CACNB2: variants seen among roughly 807,000 people sequenced by gnomAD.
CACNB2 encodes calcium voltage-gated channel auxiliary subunit beta 2.
In CACNB2, 42 loss-of-function variants were observed where a neutral mutation model predicts 73.3. The observed-to-expected ratio is 0.57, with a 90% CI of 0.45 to 0.74. The LOEUF is 0.74. Among genes scored for constraint, CACNB2 ranks in the 30% least tolerant of loss-of-function variants. CACNB2 has a pLI of 0.00. For synonymous variants in CACNB2, 348 were observed against 310.3 expected, an observed-to-expected ratio of 1.12 and a Z score of -1.28; for missense variants, 940 against 853.0, an observed-to-expected ratio of 1.10 and a Z score of -1.27.
intron 2 of CACNB2, among the ~76,000 whole-genome samples, chr10:18,242,845 A>G (rs1312220562): frequency 6.6e-6 from 1 of 151,154 alleles, no homozygotes; most frequent in African/African-American, 2.4e-5. Flanking sequence ...AAAAAAACCA[A>G]AAAAACAAAA....
intron 2 of CACNB2, among the ~76,000 whole-genome samples, chr10:18,338,603 G>C (rs940559698): frequency 6.6e-6 from 1 of 151,864 alleles, no homozygotes; most frequent in Non-Finnish European, 1.5e-5. Flanking sequence ...CTGTTGATAT[G>C]CATCTAGGTT....
At chr10:18,268,081 A>C (rs761959087) in intron 2 of CACNB2, among the ~76,000 whole-genome samples, 2 of 152,252 alleles carry the variant, frequency 1.3e-5, no homozygotes, top group Non-Finnish European at 2.9e-5. Flanking sequence ...CTCCCTCTGC[A>C]TCTGAGTACA....
At chr10:18,498,646 C>T in intron 4 of CACNB2, 169 bp downstream of exon 4, 1 of 692,448 alleles carries the variant, frequency 1.4e-6, no homozygotes, top group Non-Finnish European at 2.4e-6. Context: ...ATAAATATAC[C>T]TTTTAAAGTG....
At chr10:18,339,716 G>A (rs932870426) in intron 2 of CACNB2, among the ~76,000 whole-genome samples, 1 of 152,172 alleles carries the variant, frequency 6.6e-6, no homozygotes, top group Non-Finnish European at 1.5e-5. Context: ...AAATGAACAA[G>A]CCCGTATGTT....
chr10:18,247,921 TA>T (rs1403399829), intron 2 of CACNB2, among the ~76,000 whole-genome samples: 2 of 152,188 alleles, frequency 1.3e-5, no homozygotes, highest in African/African-American at 2.4e-5. Flanking sequence ...CCCTGTTTCA[TA>T]AATGGTACCT....
chr10:18,498,555 C>T (rs887821020), intron 4 of CACNB2, 78 bp downstream of exon 4: 78 of 1,464,212 alleles, frequency 5.3e-5, no homozygotes, highest in African/African-American at 4.9e-4. Flanking sequence ...ATTCATATGC[C>T]GTTTCTGTGA....
intron 1 of CACNB2, among the ~76,000 whole-genome samples, chr10:18,145,586 T>C (rs1394147792): frequency 6.6e-6 from 1 of 152,230 alleles, no homozygotes; most frequent in Non-Finnish European, 1.5e-5. Flanking sequence ...AATTTACCTG[T>C]TGCTGTATTT....
intron 2 of CACNB2, among the ~76,000 whole-genome samples, chr10:18,162,879 C>T (rs1255105428): frequency 1.3e-5 from 2 of 152,166 alleles, no homozygotes; most frequent in African/African-American, 4.8e-5. Context: ...CTGATCGCAA[C>T]ATTGATGTAA....
chr10:18,326,350 A>G (rs995502304), intron 2 of CACNB2, among the ~76,000 whole-genome samples: 2 of 152,244 alleles, frequency 1.3e-5, no homozygotes, highest in Non-Finnish European at 2.9e-5. Context: ...TTCCAAGGTA[A>G]ATAAATCTGC....
chr10:18,246,002 C>T (rs1182821937), intron 2 of CACNB2, among the ~76,000 whole-genome samples: 2 of 152,160 alleles, frequency 1.3e-5, no homozygotes, highest in Non-Finnish European at 2.9e-5. Flanking sequence ...AGAAAGGATT[C>T]TGTTGGCTCT....
intron 2 of CACNB2, among the ~76,000 whole-genome samples, chr10:18,152,824 A>G (rs2031717387): frequency 6.6e-6 from 1 of 152,088 alleles, no homozygotes; most frequent in Non-Finnish European, 1.5e-5. Context: ...GCACGGAAAG[A>G]AAAACTGATA....
At chr10:18,288,676 TACACAC>T (rs372916856) in intron 2 of CACNB2, among the ~76,000 whole-genome samples, 155 of 144,422 alleles carry the variant, frequency 1.1e-3, no homozygotes, top group African/African-American at 3.8e-3. Context: ...ATGAGATTTA[TACACAC>T]ACACACACAC....
chr10:18,301,359 C>T (rs888724706), intron 2 of CACNB2, among the ~76,000 whole-genome samples: 35 of 152,122 alleles, frequency 2.3e-4, no homozygotes, highest in Admixed American at 3.9e-4. Context: ...CTTTAGGAGG[C>T]TGAGGTGGGA....
intron 11 of CACNB2, 63 bp downstream of exon 11, chr10:18,534,290 G>GCTTTCTATAA: frequency 7.2e-7 from 1 of 1,383,392 alleles, no homozygotes; most frequent in Non-Finnish European, 1.0e-6. Flanking sequence ...TTTATGTTCT[G>GCTTTCTATAA]CTTTCTATAA....
At chr10:18,165,925 T>C (rs2032820814) in intron 2 of CACNB2, among the ~76,000 whole-genome samples, 1 of 152,194 alleles carries the variant, frequency 6.6e-6, no homozygotes, top group African/African-American at 2.4e-5. Flanking sequence ...TGAAGAGTTG[T>C]AAGTTTCTGG....
chr10:18,526,745 T>A (rs980885356), intron 9 of CACNB2, among the ~76,000 whole-genome samples: 2 of 152,212 alleles, frequency 1.3e-5, no homozygotes, highest in African/African-American at 4.8e-5. Flanking sequence ...ACAATCATCA[T>A]CTTTAATTAT....
At chr10:18,473,767 A>G (rs1216722171) in intron 3 of CACNB2, among the ~76,000 whole-genome samples, 2 of 152,214 alleles carry the variant, frequency 1.3e-5, no homozygotes, top group African/African-American at 4.8e-5. Flanking sequence ...TAAAAAATAT[A>G]CTTATCTTTT....
At chr10:18,489,836 A>G (rs937077943) in intron 3 of CACNB2, among the ~76,000 whole-genome samples, 4 of 152,170 alleles carry the variant, frequency 2.6e-5, no homozygotes, top group Non-Finnish European at 4.4e-5. Flanking sequence ...TTGATTGGAA[A>G]CATACTGGAG....
intron 6 of CACNB2, among the ~76,000 whole-genome samples, chr10:18,507,122 C>G (rs2133078400): frequency 6.6e-6 from 1 of 152,280 alleles, no homozygotes; most frequent in Admixed American, 6.5e-5. Context: ...ATCCCTAGTT[C>G]CTGCGATGGT....
Sources: allele counts gnomAD v4.1 joint callset (sites outside exome capture counted in the v4.1 genomes callset), GRCh38; gene constraint gnomAD v4.1.1; transcripts MANE v1.5; gene names NCBI Gene and HGNC (gene_info 2026-07-23, HGNC 2026-07-21).